VAT1L: variants seen among roughly 807,000 people sequenced by gnomAD.
The protein encoded by VAT1L is vesicle amine transport 1 like.
A neutral mutation model predicts 44.1 loss-of-function variants in VAT1L; 34 were observed. The ratio of observed to expected loss-of-function variants is 0.77; its 90% CI spans 0.59 to 1.03. The LOEUF is 1.03. Among genes scored for constraint, VAT1L ranks in the 50% least tolerant of loss-of-function variants. The pLI is 0.00. For missense variants in VAT1L, 615 were observed against 538.8 expected (o/e 1.14, Z -1.40); for synonymous variants, 253 against 202.2 (o/e 1.25, Z -2.13).
intron 7 of VAT1L, among the ~76,000 whole-genome samples, chr16:77,968,871 C>T (rs929749202): frequency 6.6e-6 from 1 of 152,048 alleles, no homozygotes; most frequent in African/African-American, 2.4e-5. Context: ...CAGGCGGGAG[C>T]ACAGTGGCGC....
chr16:77,966,452 C>T (rs560628170), intron 7 of VAT1L, among the ~76,000 whole-genome samples: 4 of 152,252 alleles, frequency 2.6e-5, no homozygotes, highest in Non-Finnish European at 4.4e-5. Flanking sequence ...GGACCCAGGA[C>T]GTACAGAGAC....
Position 77,817,042 on chromosome 16 carries a change from G to C in VAT1L, c.355G>C (p.Gly119Arg). The C allele has an allele frequency of 6.2e-7, 1 of 1,613,352 alleles. No individual in the cohort carries two copies. The highest frequency in any genetic ancestry group is 8.5e-7 in the Non-Finnish European group (1 of 1,179,728). ...IVEALGDSVK[G>R]YEIGDRVMAF... Reference sequence around the variant, plus strand: ...TGAAGCTCTGGGGGACAGCGTGAAAGGATATGAGGTAATGTTTGGCTCTCA... The same window carrying C: ...TGAAGCTCTGGGGGACAGCGTGAAACGATATGAGGTAATGTTTGGCTCTCA... The change falls in exon 2 of 9, where the codon GGA becomes CGA. Residue 119 changes from glycine (G) to arginine (R), a missense_variant. Gly to Arg is a moderately radical substitution (Grantham distance 125, BLOSUM62 -2). Transcript: ENST00000302536.
intron 1 of VAT1L, among the ~76,000 whole-genome samples, chr16:77,798,479 C>A (rs1159250988): frequency 6.6e-6 from 1 of 152,084 alleles, no homozygotes; most frequent in Non-Finnish European, 1.5e-5. Flanking sequence ...GATAATGCAG[C>A]TAAAGTGCCT....
At chr16:77,933,311 A>G (rs978377179) in intron 7 of VAT1L, among the ~76,000 whole-genome samples, 2 of 152,184 alleles carry the variant, frequency 1.3e-5, no homozygotes, top group Admixed American at 6.5e-5. Context: ...ACAAAGCCAG[A>G]CTCAAACCCA....
intron 7 of VAT1L, among the ~76,000 whole-genome samples, chr16:77,897,492 CAG>C (rs917498190): frequency 6.6e-6 from 1 of 152,122 alleles, no homozygotes; most frequent in Non-Finnish European, 1.5e-5. Flanking sequence ...GTGTTTGAGA[CAG>C]AGTTTCACTC....
intron 1 of VAT1L, among the ~76,000 whole-genome samples, chr16:77,807,032 A>G (rs1567470687): frequency 6.6e-6 from 1 of 152,074 alleles, no homozygotes; most frequent in East Asian, 1.9e-4. Flanking sequence ...TCAGGTTTTT[A>G]TTTAAAGGTC....
rs2017129368 is a variant in VAT1L, at chr16:77,879,686, T to G, written c.882+462T>G. Reference sequence around the variant, plus strand: ...CTCCTGCCCTATTCCCTGCAAATGGTCAGGACCAGAATTTAGACTACTTTT... The same window carrying G: ...CTCCTGCCCTATTCCCTGCAAATGGGCAGGACCAGAATTTAGACTACTTTT... On this transcript the variant is annotated intron_variant, in intron 6 of 8. Coordinates refer to ENST00000302536, the MANE Select transcript of VAT1L (RefSeq NM_020927.3). The surrounding 1 kb of genome is among the most constrained non-coding windows in gnomAD (Gnocchi z 4.1). 6.6e-6 allele frequency among the ~76,000 whole-genome samples: 1 copy of G among 152,200 alleles called. No individual in the cohort carries two copies. Among genetic ancestry groups the G allele is most frequent in the South Asian group, 2.1e-4 (1 of 4,836 alleles).
At chr16:77,893,772 C>T (rs531835865) in intron 7 of VAT1L, among the ~76,000 whole-genome samples, 4 of 152,200 alleles carry the variant, frequency 2.6e-5, no homozygotes, top group Admixed American at 1.3e-4. Flanking sequence ...TGCCCATAGT[C>T]CCTGCTTACC....
intron 7 of VAT1L, among the ~76,000 whole-genome samples, chr16:77,937,072 C>G (rs116960639): frequency 6.6e-6 from 1 of 152,048 alleles, no homozygotes. Context: ...TTAGTAGAGA[C>G]GGGGTTCACC....
chr16:77,933,914 G>A (rs1162615877), intron 7 of VAT1L, among the ~76,000 whole-genome samples: 1 of 152,178 alleles, frequency 6.6e-6, no homozygotes, highest in Non-Finnish European at 1.5e-5. Context: ...CGGGAATCTG[G>A]AAAATTTCTA....
At chr16:77,947,759 C>G (rs759258644) in intron 7 of VAT1L, among the ~76,000 whole-genome samples, 1 of 152,144 alleles carries the variant, frequency 6.6e-6, no homozygotes, top group African/African-American at 2.4e-5. Flanking sequence ...AAATGCCTAC[C>G]TCCCTCTGTT....
At chr16:77,849,666 G>T (rs1246885791) in intron 3 of VAT1L, among the ~76,000 whole-genome samples, 1 of 152,206 alleles carries the variant, frequency 6.6e-6, no homozygotes, top group Middle Eastern at 3.2e-3. Flanking sequence ...GAATGGAAAG[G>T]TGGCAAAGGT....
chr16:77,809,813 G>A (rs544532714), intron 1 of VAT1L, among the ~76,000 whole-genome samples: 166 of 152,304 alleles, frequency 1.1e-3, no homozygotes, highest in Non-Finnish European at 1.7e-3. Flanking sequence ...TTTGAAGAAA[G>A]GATGTCAGCT....
intron 4 of VAT1L, among the ~76,000 whole-genome samples, chr16:77,864,129 G>T (rs11647646): frequency 0.03 from 4,598 of 152,260 alleles, 82 homozygotes; most frequent in Middle Eastern, 0.044. Flanking sequence ...ATGATTTTGT[G>T]TGTCTCACTC....
At chr16:77,894,814 G>A (rs2017305009) in intron 7 of VAT1L, among the ~76,000 whole-genome samples, 1 of 152,148 alleles carries the variant, frequency 6.6e-6, no homozygotes, top group Non-Finnish European at 1.5e-5. Flanking sequence ...TTGAAGGGCT[G>A]TTTAATGCTG....
intron 7 of VAT1L, among the ~76,000 whole-genome samples, chr16:77,938,554 T>G (rs2017833114): frequency 6.6e-6 from 1 of 152,084 alleles, no homozygotes; most frequent in Non-Finnish European, 1.5e-5. Context: ...ATCTGGTTGT[T>G]TAAAAGTGTG....
At chr16:77,975,956 C>A (rs1315426222) in intron 8 of VAT1L, among the ~76,000 whole-genome samples, 2 of 152,184 alleles carry the variant, frequency 1.3e-5, no homozygotes, top group African/African-American at 4.8e-5. Context: ...TGCTGTAGAA[C>A]AGAACTAACA....
intron 7 of VAT1L, among the ~76,000 whole-genome samples, chr16:77,901,629 T>G (rs983432026): frequency 1.6e-4 from 25 of 152,202 alleles, no homozygotes; most frequent in South Asian, 2.1e-4. Flanking sequence ...AATGTGGTTC[T>G]AACTCCCAGG....
At chr16:77,803,726 C>G (rs895633371) in intron 1 of VAT1L, among the ~76,000 whole-genome samples, 15 of 152,042 alleles carry the variant, frequency 9.9e-5, no homozygotes, top group Non-Finnish European at 1.6e-4. Context: ...GCTACACATT[C>G]TTTTTATCAG....
Sources: gnomAD v4.1 joint callset for allele counts (sites outside exome capture counted in the v4.1 genomes callset) on GRCh38, gnomAD v4.1.1 for gene constraint, Gnocchi (gnomAD v3.1) non-coding constraint, MANE v1.5 for transcripts, NCBI Gene and HGNC (gene_info 2026-07-23, HGNC 2026-07-21) for gene names.